CTNNA3: variants seen among roughly 807,000 people sequenced by gnomAD.
The protein encoded by CTNNA3 is catenin alpha-3.
CTNNA3 carries 76 observed loss-of-function variants against 95.7 expected under a neutral mutation model. The observed-to-expected ratio is 0.79, with a 90% confidence interval of 0.66 to 0.96. The LOEUF (loss-of-function observed/expected upper bound fraction) is 0.96, where lower values mean the gene tolerates loss of function less well. Ranked by LOEUF, CTNNA3 falls within the 40% of genes least tolerant of loss-of-function variation. CTNNA3 has a pLI of 0.00. For missense variants in CTNNA3, 1,191 were observed against 1,089.8 expected, an observed-to-expected ratio of 1.09 and a Z score of -1.31; for synonymous variants, 431 against 374.4, an observed-to-expected ratio of 1.15 and a Z score of -1.74.
At chr10:66,097,308 A>G (rs1205356192) in intron 14 of CTNNA3, among the ~76,000 whole-genome samples, 1 of 152,166 alleles carries the variant, frequency 6.6e-6, no homozygotes, top group Non-Finnish European at 1.5e-5. Context: ...TGAGCTACTC[A>G]ATAAAAAGTC....
intron 12 of CTNNA3, among the ~76,000 whole-genome samples, chr10:66,311,216 T>C (rs951304492): frequency 1.3e-5 from 2 of 152,210 alleles, no homozygotes; most frequent in Admixed American, 6.5e-5. Context: ...AACACATAGA[T>C]AGCTACCTTC....
chr10:66,358,564 C>A (rs1302550354), intron 12 of CTNNA3, among the ~76,000 whole-genome samples: 1 of 152,146 alleles, frequency 6.6e-6, no homozygotes, highest in African/African-American at 2.4e-5. Context: ...CCCAGTCCCA[C>A]GTATGACTTA....
intron 5 of CTNNA3, among the ~76,000 whole-genome samples, chr10:67,303,446 A>G (rs1027517353): frequency 1.3e-5 from 2 of 152,252 alleles, no homozygotes; most frequent in Non-Finnish European, 2.9e-5. Context: ...CAGGCTGAAG[A>G]AGAAAGATGT....
At chr10:67,697,540 C>CCTA (rs777127032), upstream of CTNNA3, among the ~76,000 whole-genome samples, 122 of 152,258 alleles carry the variant, frequency 8.0e-4, no homozygotes, top group Non-Finnish European at 1.5e-3. Context: ...CTCCTTTCCA[C>CCTA]CTACAAAATG....
At chr10:66,306,080 A>C (rs949471953) in intron 12 of CTNNA3, among the ~76,000 whole-genome samples, 2 of 152,230 alleles carry the variant, frequency 1.3e-5, no homozygotes, top group African/African-American at 4.8e-5. Context: ...AATAATAAAA[A>C]ACTGTCACAT....
chr10:66,960,486 G>A (rs1219164696), intron 7 of CTNNA3, among the ~76,000 whole-genome samples: 1 of 151,114 alleles, frequency 6.6e-6, no homozygotes, highest in Non-Finnish European at 1.5e-5. Flanking sequence ...AAGTTTTAGA[G>A]TAGAGAACTA....
chr10:67,720,955 GA>G (rs572628273), intron 1 of CTNNA3, among the ~76,000 whole-genome samples: 2,792 of 151,284 alleles, frequency 0.018, 36 homozygotes, highest in Non-Finnish European at 0.026. Context: ...CTCCGTCTCA[GA>G]AAAAAAAATG....
chr10:66,867,775 A>C (rs548108948), intron 7 of CTNNA3, among the ~76,000 whole-genome samples: 4 of 151,932 alleles, frequency 2.6e-5, no homozygotes, highest in Admixed American at 6.6e-5. Flanking sequence ...TCTTAAAATC[A>C]ATATTTTTCA....
chr10:66,328,998 T>A (rs1292505892), intron 12 of CTNNA3, among the ~76,000 whole-genome samples: 1 of 148,520 alleles, frequency 6.7e-6, no homozygotes, highest in Non-Finnish European at 1.5e-5. Context: ...TTGCCCAGGC[T>A]GGAGTGCAAT....
rs2077063878 is a variant in CTNNA3 at position 65,920,382 on chromosome 10, T to A, written c.2636A>T (p.Lys879Ile). ...AAVRRGSAKK[K>I]IHPLQVMSEF... Reference sequence around the variant, plus strand: ...ACTCATGACTTGCAATGGATGGATTTTTTTCTTTGCTGAGCCTCGTCTGAC... The same window carrying A: ...ACTCATGACTTGCAATGGATGGATTATTTTCTTTGCTGAGCCTCGTCTGAC... Residue 879 changes from lysine to isoleucine, a missense_variant, in exon 18 of 18, where the codon AAA becomes ATA. Lys to Ile is a moderately radical substitution (Grantham distance 102). Coordinates refer to ENST00000433211, the MANE Select transcript of CTNNA3 (RefSeq NM_013266.4). 6.2e-7 allele frequency: 1 copy of A among 1,614,012 alleles called. No individual in the cohort carries two copies. The highest frequency in any genetic ancestry group is 1.3e-5 in the African/African-American group (1 of 74,882).
chr10:66,845,716 A>AACAAAAAAAAAAAC (rs1843234671), intron 7 of CTNNA3, among the ~76,000 whole-genome samples: 1 of 127,006 alleles, frequency 7.9e-6, no homozygotes, highest in African/African-American at 2.9e-5. Flanking sequence ...AAAAAAAAAA[A>AACAAAAAAAAAAAC]AAAAAAAAAA....
At chr10:66,283,165 C>T (rs111973812) in intron 12 of CTNNA3, among the ~76,000 whole-genome samples, 15 of 151,800 alleles carry the variant, frequency 9.9e-5, no homozygotes, top group South Asian at 4.1e-4. Flanking sequence ...GCAAACCAAC[C>T]GTCAAAACTA....
Position 66,616,528 on chromosome 10 carries a change from T to C in CTNNA3, c.1374+5164A>G, listed in dbSNP as rs577103315. Among the ~76,000 whole-genome samples the C allele has an allele frequency of 2.6e-5, 4 of 152,158 alleles. No homozygotes were observed. In the East Asian group the frequency reaches 5.8e-4, roughly 22 times the overall value. ...TTGCTTTTCTGAGGTGTTCATATGATATAGTTTCAACTCATGTCACTATTT... is the reference window on the plus strand; with the variant it reads ...TTGCTTTTCTGAGGTGTTCATATGACATAGTTTCAACTCATGTCACTATTT... On this transcript the variant is annotated intron_variant, in intron 10 of 17. Coordinates refer to ENST00000433211, the MANE Select transcript of CTNNA3 (RefSeq NM_013266.4).
chr10:66,756,735 G>A (rs1225196535), intron 9 of CTNNA3, among the ~76,000 whole-genome samples: 1 of 152,024 alleles, frequency 6.6e-6, no homozygotes, highest in Non-Finnish European at 1.5e-5. Flanking sequence ...AAAGAAAGCT[G>A]GGAGGAACCC....
In CTNNA3 at chr10:66,766,314, T is replaced by C. The variant is rs372808360; in HGVS notation, c.1231A>G (p.Ile411Val). The C allele has an allele frequency of 6.8e-5, 110 of 1,613,850 alleles. 3 individuals are homozygous for C. The highest frequency in any genetic ancestry group is 4.0e-4 in the East Asian group (18 of 44,872). ...EAAKNGREKE[I>V]KEYAAIFHEH... is the part of the protein sequence containing the mutation. Reference sequence around the variant, plus strand: ...TGAAATATCGCAGCATATTCTTTTATTTCCTTTTCCCGGCCATTCTTAGCA... The same window carrying C: ...TGAAATATCGCAGCATATTCTTTTACTTCCTTTTCCCGGCCATTCTTAGCA... The change falls in exon 9 of 18, where the codon ATA becomes GTA. Residue 411 changes from isoleucine to valine, a missense_variant. By Grantham distance (29) the Ile-to-Val change is conservative. Coordinates refer to ENST00000433211, the MANE Select transcript of CTNNA3 (RefSeq NM_013266.4).
chr10:66,500,881 A>G (rs115421255), intron 11 of CTNNA3, among the ~76,000 whole-genome samples: 1,616 of 152,244 alleles, frequency 0.011, 31 homozygotes, highest in African/African-American at 0.037. Flanking sequence ...ATATTTTAAA[A>G]TTAATATTTA....
chr10:66,743,961 T>C (rs796505327), intron 9 of CTNNA3, among the ~76,000 whole-genome samples: 5 of 110,504 alleles, frequency 4.5e-5, no homozygotes, highest in African/African-American at 1.9e-4. Flanking sequence ...GGTGACACAG[T>C]GAGATTCCAT....
intron 5 of CTNNA3, among the ~76,000 whole-genome samples, chr10:67,308,888 C>T (rs1840667641): frequency 6.6e-6 from 1 of 152,086 alleles, no homozygotes; most frequent in African/African-American, 2.4e-5. Flanking sequence ...ATTCCTACTT[C>T]AAAACTTTTT....
chr10:66,120,635 C>G (rs1460662771), intron 13 of CTNNA3, among the ~76,000 whole-genome samples: 1 of 152,070 alleles, frequency 6.6e-6, no homozygotes, highest in Non-Finnish European at 1.5e-5. Flanking sequence ...AATTGGAGAA[C>G]AGCTGCTAAC....
Sources: gnomAD v4.1 joint callset for allele counts (sites outside exome capture counted in the v4.1 genomes callset) on GRCh38, gnomAD v4.1.1 for gene constraint, MANE v1.5 for transcripts, NCBI Gene and HGNC (gene_info 2026-07-23, HGNC 2026-07-21) for gene names.